Variants in RIMS1 observed in about 807,000 individuals in gnomAD.
RIMS1 encodes regulating synaptic membrane exocytosis protein 1.
In RIMS1, 83 loss-of-function variants were observed where a neutral mutation model predicts 214.1. The observed-to-expected ratio is 0.39, with a 90% CI of 0.32 to 0.47. RIMS1 has a LOEUF of 0.47. Ranked by LOEUF, RIMS1 falls within the 20% of genes least tolerant of loss-of-function variation. RIMS1 has a pLI of 0.99. For synonymous variants in RIMS1, 793 were observed against 786.8 expected, an observed-to-expected ratio of 1.01 and a Z score of -0.13; for missense variants, 2,050 against 2,161.8, an observed-to-expected ratio of 0.95 and a Z score of 1.03.
chr6:72,136,790 GA>G (rs1424550770), intron 4 of RIMS1, among the ~76,000 whole-genome samples: 1 of 152,020 alleles, frequency 6.6e-6, no homozygotes, highest in Non-Finnish European at 1.5e-5. Context: ...ATAAATGCTT[GA>G]AAAATGTTTG....
intron 29 of RIMS1, among the ~76,000 whole-genome samples, chr6:72,346,079 TTTCGCAACTATAA>T (rs1207984908): frequency 1.3e-5 from 2 of 151,718 alleles, no homozygotes; most frequent in Non-Finnish European, 3.0e-5. Flanking sequence ...GACCCTCCAT[TTTCGCAACTATAA>T]TATGGAACCA....
chr6:72,126,195 G>A (rs563681402), intron 4 of RIMS1, among the ~76,000 whole-genome samples: 52 of 152,256 alleles, frequency 3.4e-4, no homozygotes, highest in African/African-American at 1.2e-3. Flanking sequence ...TCAATAAATG[G>A]TACTGGGAAA....
chr6:72,232,908 T>C (rs1471394233), intron 6 of RIMS1, among the ~76,000 whole-genome samples: 1 of 151,896 alleles, frequency 6.6e-6, no homozygotes, highest in Non-Finnish European at 1.5e-5. Flanking sequence ...TAGCTCATTA[T>C]TAACTAGCAT....
chr6:72,230,126 T>A (rs184001365), intron 6 of RIMS1, among the ~76,000 whole-genome samples: 139 of 151,940 alleles, frequency 9.1e-4, no homozygotes, highest in African/African-American at 3.1e-3. Flanking sequence ...AAGTTTACAT[T>A]TTTTTGAATG....
At chr6:71,904,687 G>A (rs896239190) in intron 1 of RIMS1, among the ~76,000 whole-genome samples, 61 of 152,262 alleles carry the variant, frequency 4.0e-4, no homozygotes, top group African/African-American at 1.5e-3. Flanking sequence ...GAATTCACAG[G>A]TTAAATATCA....
At chr6:72,272,318 A>G (rs2083825793) in intron 22 of RIMS1, among the ~76,000 whole-genome samples, 1 of 152,206 alleles carries the variant, frequency 6.6e-6, no homozygotes, top group African/African-American at 2.4e-5. Context: ...ATATGCTAGT[A>G]TATTTAAAAC....
intron 2 of RIMS1, among the ~76,000 whole-genome samples, chr6:72,093,140 C>T (rs117048037): frequency 0.023 from 3,421 of 149,376 alleles, 52 homozygotes; most frequent in Non-Finnish European, 0.034. Flanking sequence ...AGAAATAAAA[C>T]GATTTTAGGA....
intron 29 of RIMS1, among the ~76,000 whole-genome samples, chr6:72,355,911 G>A (rs181659119): frequency 3.9e-5 from 6 of 152,128 alleles, no homozygotes; most frequent in East Asian, 1.9e-4. Context: ...TACACATAAC[G>A]ACTCCCACTG....
chr6:72,237,129 C>G (rs1298773965), intron 8 of RIMS1, among the ~76,000 whole-genome samples: 1 of 151,794 alleles, frequency 6.6e-6, no homozygotes, highest in African/African-American at 2.4e-5. Flanking sequence ...ACACTTGAGC[C>G]TGGGAGTTCA....
intron 4 of RIMS1, among the ~76,000 whole-genome samples, chr6:72,129,799 A>G (rs144245028): frequency 1.2e-3 from 188 of 152,222 alleles, no homozygotes; most frequent in Middle Eastern, 3.4e-3. Flanking sequence ...ACTGCATTCA[A>G]CCATTACTTT....
In RIMS1 at chr6:71,931,433, T is replaced by C. The variant is rs537101675; in HGVS notation, c.165-37550T>C. 4.3e-4 allele frequency among the ~76,000 whole-genome samples: 66 copies of C among 152,106 alleles called. 1 individual carries two copies. In the South Asian group the frequency reaches 5.4e-3, roughly 12 times the overall value. On this transcript the variant is annotated intron_variant, in intron 1 of 33. Coordinates refer to ENST00000521978, the MANE Select transcript of RIMS1 (RefSeq NM_014989.7). ...ATTATCTGTCATCTAATAATAATAA[T>C]AACAACAAATTCATCATTAGTGATG... is the stretch of plus-strand genomic sequence containing the variant.
intron 10 of RIMS1, among the ~76,000 whole-genome samples, chr6:72,243,912 T>G (rs1174042359): frequency 6.6e-6 from 1 of 150,508 alleles, no homozygotes; most frequent in Non-Finnish European, 1.5e-5. Flanking sequence ...AAAGGTAGTA[T>G]CAACTTTCTT....
At chr6:72,260,807 ACT>A (rs2077638393) in intron 19 of RIMS1, 40 bp downstream of exon 19, 2 of 1,605,730 alleles carry the variant, frequency 1.2e-6, no homozygotes, top group South Asian at 1.1e-5. Flanking sequence ...GTGTGTGATG[ACT>A]CTCTTTCCAT....
At chr6:72,234,967 T>A (rs1026539718) in intron 7 of RIMS1, among the ~76,000 whole-genome samples, 2 of 152,116 alleles carry the variant, frequency 1.3e-5, no homozygotes, top group African/African-American at 4.8e-5. Flanking sequence ...TGTTCATCAA[T>A]TCCTTAGGAT....
At chr6:71,997,893 A>G (rs1803951114) in intron 2 of RIMS1, among the ~76,000 whole-genome samples, 1 of 152,166 alleles carries the variant, frequency 6.6e-6, no homozygotes, top group Non-Finnish European at 1.5e-5. Flanking sequence ...AGAGAAAAAC[A>G]AGTAAATTAG....
intron 4 of RIMS1, among the ~76,000 whole-genome samples, chr6:72,163,459 C>G (rs1412267783): frequency 7.1e-6 from 1 of 141,240 alleles, no homozygotes; most frequent in East Asian, 2.0e-4. Context: ...AGGAGAGGCA[C>G]TCTGATTTTT....
chr6:72,070,604 A>G (rs1243936361), intron 2 of RIMS1, among the ~76,000 whole-genome samples: 1 of 152,180 alleles, frequency 6.6e-6, no homozygotes, highest in African/African-American at 2.4e-5. Flanking sequence ...AAGTTTTAAA[A>G]CCTGTGCTGT....
chr6:72,009,108 A>G (rs926753528), intron 2 of RIMS1, among the ~76,000 whole-genome samples: 41 of 152,316 alleles, frequency 2.7e-4, no homozygotes, highest in African/African-American at 9.6e-4. Context: ...AAAGAACAGA[A>G]ATTATAACAA....
intron 2 of RIMS1, among the ~76,000 whole-genome samples, chr6:72,025,597 A>G (rs150398530): frequency 6.6e-6 from 1 of 152,328 alleles, no homozygotes; most frequent in East Asian, 1.9e-4. Flanking sequence ...ATTTTCCAAA[A>G]TAATATTTTG....
Sources: allele counts gnomAD v4.1 joint callset (sites outside exome capture counted in the v4.1 genomes callset), GRCh38; gene constraint gnomAD v4.1.1; transcripts MANE v1.5; gene names NCBI Gene and HGNC (gene_info 2026-07-23, HGNC 2026-07-21).